Variants in PAM observed in about 807,000 individuals in gnomAD.
PAM encodes peptidylglycine alpha-amidating monooxygenase, also known as peptidyl-glycine alpha-amidating monooxygenase.
A neutral mutation model predicts 122.1 loss-of-function variants in PAM; 72 were observed. That is an observed-to-expected ratio of 0.59 (90% CI 0.49 to 0.72). PAM has a LOEUF of 0.72. Ranked by LOEUF, PAM falls within the 30% of genes least tolerant of loss-of-function variation. The probability of loss-of-function intolerance (pLI) is 0.00; values close to 1 mark genes in which losing one functional copy is unlikely to be tolerated. For synonymous variants in PAM, 389 were observed against 404.4 expected, an observed-to-expected ratio of 0.96 and a Z score of 0.46; for missense variants, 1,106 against 1,183.7, an observed-to-expected ratio of 0.93 and a Z score of 0.96.
intron 1 of PAM, among the ~76,000 whole-genome samples, chr5:102,844,861 C>G (rs974974910): frequency 1.3e-5 from 2 of 152,162 alleles, no homozygotes; most frequent in Non-Finnish European, 2.9e-5. Context: ...CCACCTTCCT[C>G]GGAATGCCCT....
At position 102,977,658 on chromosome 5, in the gene PAM, G is replaced by GCACACACACACACA. The variant is rs10527378; in HGVS notation, c.1483+3251_1483+3264dup. Among the ~76,000 whole-genome samples the GCACACACACACACA allele has an allele frequency of 8.4e-5, 12 of 142,932 alleles. No individual in the cohort carries two copies. The South Asian group carries it at 9.4e-4, about 11-fold the overall frequency. 93.8% of individuals were successfully genotyped at this position (142,932 alleles called of 152,430 possible). On this transcript the variant is annotated intron_variant, in intron 15 of 25. Coordinates refer to ENST00000438793, the MANE Select transcript of PAM (RefSeq NM_001177306.2). ...CTTCCCAACACACACATGCATGTGC[G>GCACACACACACACA]CACACACACACACACACACACACAC...
chr5:102,785,871 ATCAT>A (rs35700991), intron 1 of PAM, among the ~76,000 whole-genome samples: 51,125 of 151,758 alleles, frequency 0.34, 8,795 homozygotes, highest in East Asian at 0.38. Context: ...CTTTTTAAAA[ATCAT>A]TCATTCAAGT....
At chr5:102,907,556 CACA>C (rs1160458256) in intron 4 of PAM, among the ~76,000 whole-genome samples, 1 of 150,752 alleles carries the variant, frequency 6.6e-6, no homozygotes, top group Non-Finnish European at 1.5e-5. Flanking sequence ...CACTGACTTC[CACA>C]ATGGTTGAAC....
rs543361562 is a variant in PAM at position 103,020,727 on chromosome 5, A to G, written c.2485+884A>G. On this transcript the variant is annotated intron_variant, in intron 23 of 25. Transcript: ENST00000438793. ...CACCTAGACATTCAGACACAAACCTAGGCTTACTTGTTTTCTTTTCTCATC... is the reference window on the plus strand; with the variant it reads ...CACCTAGACATTCAGACACAAACCTGGGCTTACTTGTTTTCTTTTCTCATC... 4.3e-4 allele frequency among the ~76,000 whole-genome samples: 66 copies of G among 152,292 alleles called. 1 individual carries two copies. In the South Asian group the frequency reaches 0.013, roughly 30 times the overall value.
Position 102,950,804 on chromosome 5 carries a change from G to A in PAM, c.889G>A (p.Glu297Lys), listed in dbSNP as rs752026228. ...TGTATTCACTGGTGAAGGAAGGACA[G>A]AAGCCACACACATTGGGTATGATTC... ...RCVFTGEGRT[E>K]ATHIGGTSSD... The change falls in exon 12 of 26, where the codon GAA becomes AAA. Residue 297 changes from glutamate to lysine, a missense_variant. By Grantham distance (56) the Glu-to-Lys change is moderately conservative. Transcript: ENST00000438793. 4.4e-6 allele frequency: 7 copies of A among 1,601,696 alleles called. No homozygotes were observed. The highest frequency in any genetic ancestry group is 6.0e-6 in the Non-Finnish European group (7 of 1,169,090).
intron 7 of PAM, among the ~76,000 whole-genome samples, chr5:102,933,882 G>A (rs115131897): frequency 6.6e-6 from 1 of 152,156 alleles, no homozygotes; most frequent in African/African-American, 2.4e-5. Context: ...TTCAGTGTAA[G>A]CATCTGAGTG....
At chr5:102,842,481 C>T (rs1344286285) in intron 1 of PAM, among the ~76,000 whole-genome samples, 3 of 152,152 alleles carry the variant, frequency 2.0e-5, no homozygotes, top group African/African-American at 7.2e-5. Context: ...CTATGTAAGA[C>T]GTGACTTGCT....
chr5:102,961,753 A>G (rs1315217035), intron 14 of PAM, among the ~76,000 whole-genome samples: 1 of 151,922 alleles, frequency 6.6e-6, no homozygotes, highest in African/African-American at 2.4e-5. Context: ...CAGAGTTTAA[A>G]AAAAGCATCA....
At chr5:103,001,738 G>A (rs1348524463) in intron 16 of PAM, among the ~76,000 whole-genome samples, 1 of 151,746 alleles carries the variant, frequency 6.6e-6, no homozygotes, top group Non-Finnish European at 1.5e-5. Flanking sequence ...TCCTATTTAT[G>A]TAGAGTACTG....
chr5:102,903,558 T>G (rs536842634), intron 4 of PAM, among the ~76,000 whole-genome samples: 1 of 151,532 alleles, frequency 6.6e-6, no homozygotes, highest in Non-Finnish European at 1.5e-5. Flanking sequence ...ATAGTTTGTA[T>G]GGAATTCTCA....
rs192932236 is a variant in PAM at position 103,013,278 on chromosome 5, T to C, written c.2331+3412T>C. 3.2e-3 allele frequency among the ~76,000 whole-genome samples: 484 copies of C among 152,246 alleles called. 2 individuals are homozygous for C. Among genetic ancestry groups the C allele is most frequent in the African/African-American group, 0.011 (455 of 41,548 alleles). Reference sequence around the variant, plus strand: ...TTTTATAGTTTTCATTGTAGAGATCTTTCACTTCTTTGGTTAATTCCTAGG... The same window carrying C: ...TTTTATAGTTTTCATTGTAGAGATCCTTCACTTCTTTGGTTAATTCCTAGG... On this transcript the variant is annotated intron_variant, in intron 21 of 25. Coordinates refer to ENST00000438793, the MANE Select transcript of PAM (RefSeq NM_001177306.2).
At chr5:102,867,671 A>C (rs1215134230) in intron 3 of PAM, among the ~76,000 whole-genome samples, 1 of 152,200 alleles carries the variant, frequency 6.6e-6, no homozygotes, top group Non-Finnish European at 1.5e-5. Context: ...CTGTGGAGTA[A>C]TAGCCTCTGT....
At chr5:102,803,359 A>C (rs969358633) in intron 1 of PAM, among the ~76,000 whole-genome samples, 2 of 152,144 alleles carry the variant, frequency 1.3e-5, no homozygotes, top group Non-Finnish European at 2.9e-5. Context: ...TGTTTCTTCC[A>C]TCCCTCGTAA....
chr5:103,011,611 T>A (rs571996211), intron 21 of PAM, among the ~76,000 whole-genome samples: 1 of 152,356 alleles, frequency 6.6e-6, no homozygotes, highest in East Asian at 1.9e-4. Flanking sequence ...TTTTTGTGGC[T>A]GAATAATACT....
At chr5:102,801,968 C>T (rs892984821) in intron 1 of PAM, among the ~76,000 whole-genome samples, 3 of 150,302 alleles carry the variant, frequency 2.0e-5, no homozygotes, top group African/African-American at 4.9e-5. Flanking sequence ...TTAGTAGAGA[C>T]GGGGTTTCAC....
At chr5:102,929,384 G>A (rs1750665503) in intron 7 of PAM, among the ~76,000 whole-genome samples, 2 of 152,060 alleles carry the variant, frequency 1.3e-5, no homozygotes, top group African/African-American at 2.4e-5. Context: ...AAATATTTAT[G>A]TTATGTACAT....
chr5:102,789,239 A>C (rs1761409622), intron 1 of PAM, among the ~76,000 whole-genome samples: 1 of 152,060 alleles, frequency 6.6e-6, no homozygotes, highest in Admixed American at 6.6e-5. Context: ...TGTTTACTGG[A>C]AGTTGGAATT....
intron 11 of PAM, among the ~76,000 whole-genome samples, chr5:102,950,416 G>GGGGTGTGTGTGTGTGT (rs372626572): frequency 0.25 from 35,844 of 145,722 alleles, 4,662 homozygotes; most frequent in East Asian, 0.4. Flanking sequence ...TATGTGGGTG[G>GGGGTGTGTGTGTGTGT]GTGTGTGTGT....
At chr5:102,948,584 T>C in intron 9 of PAM, 139 bp downstream of exon 9, 1 of 547,276 alleles carries the variant, frequency 1.8e-6, no homozygotes, top group Non-Finnish European at 3.3e-6. Context: ...TTTATTGTCC[T>C]TGGATTTAAA....
Sources: gnomAD v4.1 joint callset for allele counts (sites outside exome capture counted in the v4.1 genomes callset) on GRCh38, gnomAD v4.1.1 for gene constraint, MANE v1.5 for transcripts, NCBI Gene and HGNC (gene_info 2026-07-23, HGNC 2026-07-21) for gene names.